Variants in VRK2 observed in about 807,000 individuals in gnomAD.
VRK2 encodes the protein serine/threonine-protein kinase VRK2.
In VRK2, 60 loss-of-function variants were observed where a neutral mutation model predicts 57.6. That is an observed-to-expected ratio of 1.04 (90% CI 0.85 to 1.29). The LOEUF (loss-of-function observed/expected upper bound fraction) is 1.29. Among genes scored for constraint, VRK2 ranks in the 50% most tolerant of loss-of-function variants. The pLI is 0.00. For missense variants in VRK2, 705 were observed against 588.1 expected (o/e 1.20, Z -2.06); for synonymous variants, 231 against 199.2 (o/e 1.16, Z -1.35).
intron 2 of VRK2, among the ~76,000 whole-genome samples, chr2:58,052,757 T>G (rs1675945089): frequency 6.6e-6 from 1 of 152,156 alleles, no homozygotes; most frequent in African/African-American, 2.4e-5. Flanking sequence ...AGCATAAGAC[T>G]TTATGACATT....
chr2:58,042,352 A>C (rs1282308222), upstream of VRK2, among the ~76,000 whole-genome samples: 2 of 152,224 alleles, frequency 1.3e-5, no homozygotes, highest in Admixed American at 1.3e-4. Context: ...TATTTTCAAA[A>C]TTATTAATTT....
chr2:58,159,678 TTTA>T lies in VRK2; in HGVS notation c.1515_1517del (p.Leu505del). On this transcript the variant is annotated inframe_deletion, in exon 13 of 13. Transcript: ENST00000340157. ...TCCTTTTGATGTTAGTATTTCTTGC[TTTA>T]TTTTTTCTCTGAAGATGATACCAAA... The T allele has an allele frequency of 6.2e-7, 1 of 1,612,720 alleles. No individual in the cohort carries two copies.
At chr2:57,981,263 TG>T (rs1672415306) in intron 1 of VRK2, among the ~76,000 whole-genome samples, 1 of 152,198 alleles carries the variant, frequency 6.6e-6, no homozygotes, top group Non-Finnish European at 1.5e-5. Context: ...TTTGCTGGTC[TG>T]AAAAAGGATT....
chr2:58,154,655 C>A, intron 12 of VRK2: 2 of 688,312 alleles, frequency 2.9e-6, no homozygotes, highest in South Asian at 1.6e-5. Flanking sequence ...TCTCTTTGAC[C>A]CATTTAAAGG....
At chr2:58,137,197 T>TATCAC (rs1484234770) in intron 10 of VRK2, among the ~76,000 whole-genome samples, 1 of 101,812 alleles carries the variant, frequency 9.8e-6, no homozygotes, top group Non-Finnish European at 1.7e-5. Context: ...ATGATACATA[T>TATCAC]ATATCTCATA....
At position 58,146,442 on chromosome 2, in the gene VRK2, C is replaced by A; in HGVS notation, c.1150C>A (p.Leu384Met). The A allele has an allele frequency of 2.5e-6, 4 of 1,611,180 alleles. No homozygotes were observed. Among genetic ancestry groups the A allele is most frequent in the Non-Finnish European group, 3.4e-6 (4 of 1,178,086 alleles). Reference sequence around the variant, plus strand: ...ATGGAAAGTGCAGAAAGAGGAGAAACTGATTGGATTGATGAACAATGAAGC... The same window carrying A: ...ATGGAAAGTGCAGAAAGAGGAGAAAATGATTGGATTGATGAACAATGAAGC... ...ATWKVQKEEK[L>M]IGLMNNEAAQ... The change falls in exon 12 of 13, where the codon CTG (leucine) becomes ATG (methionine). Residue 384 changes from leucine (L) to methionine (M), a missense_variant. Transcript: ENST00000340157.
chr2:58,147,330 C>A (rs1682318140), intron 12 of VRK2: 1 of 344,806 alleles, frequency 2.9e-6, no homozygotes, highest in African/African-American at 2.1e-5. Flanking sequence ...TAATAGCAAT[C>A]TTTTACATTC....
intron 11 of VRK2, among the ~76,000 whole-genome samples, chr2:58,143,470 G>T (rs539411590): frequency 3.5e-4 from 53 of 151,790 alleles, no homozygotes; most frequent in Non-Finnish European, 6.3e-4. Context: ...TCCATTAATT[G>T]GCTATCATTT....
chr2:57,996,206 G>A (rs538779775), intron 1 of VRK2, among the ~76,000 whole-genome samples: 4 of 152,312 alleles, frequency 2.6e-5, no homozygotes, highest in South Asian at 4.2e-4. Flanking sequence ...GAGGATGGGG[G>A]TGTCCTGGAA....
chr2:58,095,575 T>TCA (rs1673019124), intron 7 of VRK2, among the ~76,000 whole-genome samples: 1 of 152,054 alleles, frequency 6.6e-6, no homozygotes, highest in Non-Finnish European at 1.5e-5. Flanking sequence ...TTATTTTTGT[T>TCA]TATATATATG....
chr2:58,159,815 C>A lies in VRK2; in HGVS notation c.*122C>A, dbSNP rs767450055. ...AAGGTAATTGGCTTTAAAAAGAGAA[C>A]ATATTTTAACAAAGTTTGTGGACAC... On this transcript the variant is annotated 3_prime_UTR_variant, in exon 13 of 13. Coordinates refer to ENST00000340157, the MANE Select transcript of VRK2 (RefSeq NM_006296.7). The A allele has an allele frequency of 5.6e-6, 9 of 1,611,746 alleles. No individual in the cohort carries two copies. The highest frequency in any genetic ancestry group is 6.8e-6 in the Non-Finnish European group (8 of 1,179,194).
intron 7 of VRK2, among the ~76,000 whole-genome samples, chr2:58,116,970 G>A (rs1226969953): frequency 7.2e-5 from 11 of 152,180 alleles, no homozygotes; most frequent in Admixed American, 7.2e-4. Context: ...GCTGGGGTTT[G>A]TCTCACAGTG....
intron 1 of VRK2, among the ~76,000 whole-genome samples, chr2:57,913,866 T>C (rs543659773): frequency 6.6e-6 from 1 of 152,098 alleles, no homozygotes; most frequent in Non-Finnish European, 1.5e-5. Context: ...TGGGGCTTAA[T>C]AATATTTATA....
At chr2:57,963,088 C>A (rs1671809556) in intron 1 of VRK2, among the ~76,000 whole-genome samples, 1 of 152,186 alleles carries the variant, frequency 6.6e-6, no homozygotes, top group African/African-American at 2.4e-5. Context: ...CTCAAAGTCC[C>A]AGGCAGCACT....
chr2:57,927,279 CTT>C (rs200017573), intron 1 of VRK2, among the ~76,000 whole-genome samples: 118 of 137,012 alleles, frequency 8.6e-4, no homozygotes, highest in African/African-American at 2.3e-3. Flanking sequence ...ATATTTTAGT[CTT>C]TTTTTTTTTT....
At chr2:57,954,754 G>A (rs1671532428) in intron 1 of VRK2, among the ~76,000 whole-genome samples, 1 of 151,886 alleles carries the variant, frequency 6.6e-6, no homozygotes, top group Non-Finnish European at 1.5e-5. Context: ...TGAGCCTGAT[G>A]GAACTTGAAA....
At chr2:58,093,194 G>C (rs1672622575) in intron 7 of VRK2, among the ~76,000 whole-genome samples, 1 of 152,168 alleles carries the variant, frequency 6.6e-6, no homozygotes, top group African/African-American at 2.4e-5. Context: ...TGGGATGGCT[G>C]GGTCAAATGG....
intron 1 of VRK2, among the ~76,000 whole-genome samples, chr2:57,964,351 T>C (rs1030054038): frequency 6.6e-6 from 1 of 152,124 alleles, no homozygotes; most frequent in Non-Finnish European, 1.5e-5. Flanking sequence ...TGGATCATCA[T>C]AAAGGTCTTC....
intron 1 of VRK2, among the ~76,000 whole-genome samples, chr2:57,981,239 T>C (rs1672414546): frequency 6.6e-6 from 1 of 152,334 alleles, no homozygotes; most frequent in East Asian, 1.9e-4. Flanking sequence ...CCCATGGTAA[T>C]GAATTCCTTA....
Sources: allele counts gnomAD v4.1 joint callset (sites outside exome capture counted in the v4.1 genomes callset), GRCh38; gene constraint gnomAD v4.1.1; transcripts MANE v1.5; gene names NCBI Gene and HGNC (gene_info 2026-07-23, HGNC 2026-07-21).